Variants in DSCAML1 observed in about 807,000 individuals in gnomAD.
The protein encoded by DSCAML1 is DS cell adhesion molecule like 1, also known as cell adhesion molecule DSCAML1.
A neutral mutation model predicts 200.5 loss-of-function variants in DSCAML1; 38 were observed. That is an observed-to-expected ratio of 0.19 (90% CI 0.15 to 0.25). The LOEUF is 0.25. Ranked by LOEUF, DSCAML1 falls within the 10% of genes least tolerant of loss-of-function variation. The pLI is 1.00. For missense variants in DSCAML1, 2,223 were observed against 2,858.8 expected (o/e 0.78, Z 5.07); for synonymous variants, 1,215 against 1,165.0 (o/e 1.04, Z -0.87).
At chr11:117,646,196 A>ATT (rs11381254) in intron 3 of DSCAML1, among the ~76,000 whole-genome samples, 72 of 148,648 alleles carry the variant, frequency 4.8e-4, no homozygotes, top group African/African-American at 1.5e-3. Context: ...ACAAGTCCTG[A>ATT]TTTTTTTTTT....
chr11:117,557,414 C>T (rs2050577811), intron 3 of DSCAML1, among the ~76,000 whole-genome samples: 1 of 152,160 alleles, frequency 6.6e-6, no homozygotes, highest in South Asian at 2.1e-4. Flanking sequence ...TCCCCAGCCC[C>T]CCTCCTGACC....
chr11:117,547,437 A>C (rs937935227), intron 3 of DSCAML1, among the ~76,000 whole-genome samples: 4 of 152,124 alleles, frequency 2.6e-5, no homozygotes, highest in African/African-American at 9.7e-5. Context: ...CTCGCTTCTA[A>C]GGCGCGGCCC....
chr11:117,740,942 G>A (rs891689680), intron 3 of DSCAML1, among the ~76,000 whole-genome samples: 4 of 152,216 alleles, frequency 2.6e-5, no homozygotes, highest in African/African-American at 4.8e-5. Flanking sequence ...AGCCAGCCAG[G>A]CCATCAGATC....
intron 3 of DSCAML1, among the ~76,000 whole-genome samples, chr11:117,582,218 G>A (rs917261997): frequency 6.6e-6 from 1 of 152,194 alleles, no homozygotes; most frequent in Non-Finnish European, 1.5e-5. Context: ...TGTGGATGTT[G>A]GGCTCTGTAG....
At chr11:117,754,144 C>T (rs780471794) in intron 3 of DSCAML1, among the ~76,000 whole-genome samples, 4 of 152,080 alleles carry the variant, frequency 2.6e-5, no homozygotes, top group Non-Finnish European at 4.4e-5. Flanking sequence ...GTAGAAAGCC[C>T]CCAGAGCCTA....
chr11:117,534,751 A>T (rs1219732653), intron 3 of DSCAML1, among the ~76,000 whole-genome samples: 1 of 152,148 alleles, frequency 6.6e-6, no homozygotes, highest in Non-Finnish European at 1.5e-5. Flanking sequence ...CTGGGACCAC[A>T]GTCATGCACC....
At chr11:117,429,772 C>T (rs1250352462) in intron 32 of DSCAML1, among the ~76,000 whole-genome samples, 1 of 152,202 alleles carries the variant, frequency 6.6e-6, no homozygotes, top group Non-Finnish European at 1.5e-5. Context: ...GCAAATGGGC[C>T]TCTTCCCCCG....
At chr11:117,615,638 C>G (rs1029117905) in intron 3 of DSCAML1, among the ~76,000 whole-genome samples, 4 of 151,856 alleles carry the variant, frequency 2.6e-5, no homozygotes, top group African/African-American at 9.7e-5. Flanking sequence ...ACAACATGGC[C>G]GGTTGTACCA....
chr11:117,690,413 G>A (rs2053475086), intron 3 of DSCAML1, among the ~76,000 whole-genome samples: 1 of 152,232 alleles, frequency 6.6e-6, no homozygotes, highest in African/African-American at 2.4e-5. Flanking sequence ...CCCAAGGGAT[G>A]GAGGCACCCA....
chr11:117,799,503 G>A (rs73586814), upstream of DSCAML1, among the ~76,000 whole-genome samples: 562 of 152,320 alleles, frequency 3.7e-3, 2 homozygotes, highest in African/African-American at 0.012. Context: ...TGTGTTACCC[G>A]AAGGGCGAGG....
rs2048478585 is a variant in DSCAML1 at position 117,461,309 on chromosome 11, T to G, written c.3412+141A>C. ...CTATAGCCATTATCGCCCCCCGTGGTCTCCCCGTGTGGAGAAGAGGGGGCT... is the reference window on the plus strand; with the variant it reads ...CTATAGCCATTATCGCCCCCCGTGGGCTCCCCGTGTGGAGAAGAGGGGGCT... On this transcript the variant is annotated intron_variant, in intron 18 of 32. Transcript: ENST00000651296. 5.7e-6 allele frequency: 7 copies of G among 1,226,414 alleles called. No individual in the cohort carries two copies. The South Asian group carries it at 7.3e-5, about 13-fold the overall frequency. 76.0% of individuals were successfully genotyped at this position (1,226,414 alleles called of 1,614,324 possible).
chr11:117,682,230 C>A (rs2053323979), intron 3 of DSCAML1, among the ~76,000 whole-genome samples: 2 of 152,184 alleles, frequency 1.3e-5, no homozygotes, highest in Non-Finnish European at 2.9e-5. Flanking sequence ...AGCTCATCTT[C>A]CTTGGGGAGG....
chr11:117,669,369 T>A (rs2053053760), intron 3 of DSCAML1, among the ~76,000 whole-genome samples: 1 of 152,212 alleles, frequency 6.6e-6, no homozygotes, highest in South Asian at 2.1e-4. Context: ...TGGTGGCACC[T>A]TGCCTTGGGA....
intron 3 of DSCAML1, among the ~76,000 whole-genome samples, chr11:117,632,371 C>T (rs2052192632): frequency 1.3e-5 from 2 of 152,192 alleles, no homozygotes; most frequent in East Asian, 1.9e-4. Flanking sequence ...CTGACCCTTA[C>T]CTTGACACTA....
intron 1 of DSCAML1, among the ~76,000 whole-genome samples, chr11:117,803,357 A>AT (rs1410186916): frequency 6.6e-6 from 1 of 151,644 alleles, no homozygotes; most frequent in Non-Finnish European, 1.5e-5. Context: ...ACGTAAAAAA[A>AT]TTTTTTTTAA....
At chr11:117,734,986 T>C (rs1197228335) in intron 3 of DSCAML1, among the ~76,000 whole-genome samples, 3 of 152,098 alleles carry the variant, frequency 2.0e-5, no homozygotes, top group African/African-American at 7.2e-5. Flanking sequence ...AGCTTGGGAC[T>C]TGGGGAGGGG....
At position 117,440,016 on chromosome 11, in the gene DSCAML1, A is replaced by G. The variant is rs2048011236; in HGVS notation, c.3863-80T>C. On this transcript the variant is annotated intron_variant, in intron 21 of 32. Transcript: ENST00000651296. ...GGCCTCCTTCCTTAGGGCCCCCTGG[A>G]TTTACAGTTCAAATCCTCCCTCCCC... The G allele has an allele frequency of 2.4e-6, 3 of 1,261,564 alleles. No individual in the cohort carries two copies. The East Asian group carries it at 7.0e-5, about 29-fold the overall frequency. 78.1% of individuals were successfully genotyped at this position (1,261,564 alleles called of 1,614,324 possible). A position where few individuals can be genotyped will look rare whatever the true frequency, so the allele number is the denominator to read the frequency against.
At chr11:117,729,709 C>G (rs2054188151) in intron 3 of DSCAML1, among the ~76,000 whole-genome samples, 1 of 152,202 alleles carries the variant, frequency 6.6e-6, no homozygotes, top group Non-Finnish European at 1.5e-5. Flanking sequence ...CCATGAGATA[C>G]CACTTCACAC....
At chr11:117,715,157 C>T (rs1245094123) in intron 3 of DSCAML1, among the ~76,000 whole-genome samples, 1 of 152,008 alleles carries the variant, frequency 6.6e-6, no homozygotes, top group Non-Finnish European at 1.5e-5. Context: ...GCTTGGCTTC[C>T]ATCACTTTTC....
Sources: allele counts gnomAD v4.1 joint callset (sites outside exome capture counted in the v4.1 genomes callset), GRCh38; gene constraint gnomAD v4.1.1; transcripts MANE v1.5; gene names NCBI Gene and HGNC (gene_info 2026-07-23, HGNC 2026-07-21).